The following ARHGAP10 variants were observed in gnomAD, a reference collection of about 807,000 sequenced individuals.
The protein encoded by ARHGAP10 is rho GTPase-activating protein 10.
ARHGAP10 carries 87 observed loss-of-function variants against 108.6 expected under a neutral mutation model. The observed-to-expected ratio is 0.80, with a 90% CI of 0.67 to 0.96. The LOEUF (loss-of-function observed/expected upper bound fraction) is 0.96, where lower values mean the gene tolerates loss of function less well. ARHGAP10 is among the 40% of genes least tolerant of loss of function. ARHGAP10 has a pLI of 0.00. For missense variants in ARHGAP10, 939 were observed against 954.5 expected, an observed-to-expected ratio of 0.98 and a Z score of 0.21; for synonymous variants, 347 against 341.1, an observed-to-expected ratio of 1.02 and a Z score of -0.19.
Position 147,904,935 on chromosome 4 carries a change from G to GAGATGGTATCTCATTGTGGATTTGA in ARHGAP10, c.1035-1702_1035-1678dup, listed in dbSNP as rs1440689082. On this transcript the variant is annotated intron_variant, in intron 10 of 22. Transcript: ENST00000336498. ...TAATGATCGCCATTCTAACTGGTGTGAGATGGTATCTCATTGTGGATTTGA... is the reference window on the plus strand; with the variant it reads ...TAATGATCGCCATTCTAACTGGTGTGAGATGGTATCTCATTGTGGATTTGAAGATGGTATCTCATTGTGGATTTGA... Among the ~76,000 whole-genome samples the GAGATGGTATCTCATTGTGGATTTGA allele has an allele frequency of 2.0e-5, 3 of 152,298 alleles. No homozygotes were observed. The East Asian group carries it at 5.8e-4, about 29-fold the overall frequency.
chr4:147,780,019 A>AT (rs1430921808), intron 1 of ARHGAP10, among the ~76,000 whole-genome samples: 1 of 152,082 alleles, frequency 6.6e-6, no homozygotes, highest in Non-Finnish European at 1.5e-5. Context: ...AGTATCTTTA[A>AT]TTTTTCTGGA....
intron 18 of ARHGAP10, among the ~76,000 whole-genome samples, chr4:148,012,824 A>T (rs1205962299): frequency 6.6e-6 from 1 of 152,136 alleles, no homozygotes; most frequent in Non-Finnish European, 1.5e-5. Flanking sequence ...TTTCTTCCTT[A>T]TGATGACAAA....
chr4:147,977,942 T>C (rs536326074), intron 18 of ARHGAP10, among the ~76,000 whole-genome samples: 10 of 152,208 alleles, frequency 6.6e-5, no homozygotes, highest in Non-Finnish European at 1.3e-4. Context: ...TTAGTTCACT[T>C]AGGATAACAG....
intron 3 of ARHGAP10, among the ~76,000 whole-genome samples, chr4:147,831,696 C>T (rs1232215824): frequency 4.6e-5 from 7 of 152,142 alleles, no homozygotes; most frequent in South Asian, 4.1e-4. Context: ...CTCTTTTTCC[C>T]GTAAGCCTGT....
chr4:147,823,225 C>G (rs1390832340), intron 3 of ARHGAP10, among the ~76,000 whole-genome samples: 1 of 152,192 alleles, frequency 6.6e-6, no homozygotes, highest in Admixed American at 6.5e-5. Context: ...TCACTGCTTT[C>G]TAGCTTTTTG....
At chr4:147,796,524 T>C (rs1477886583) in intron 1 of ARHGAP10, among the ~76,000 whole-genome samples, 3 of 152,088 alleles carry the variant, frequency 2.0e-5, no homozygotes, top group Admixed American at 1.3e-4. Context: ...ATTTCTTTTT[T>C]TTTATTTTTC....
intron 18 of ARHGAP10, among the ~76,000 whole-genome samples, chr4:147,999,319 G>T (rs1316637139): frequency 1.3e-5 from 2 of 152,176 alleles, no homozygotes; most frequent in African/African-American, 4.8e-5. Context: ...GCCATCAATG[G>T]CTACCCTCTT....
chr4:147,834,210 C>G (rs969003035), intron 3 of ARHGAP10, among the ~76,000 whole-genome samples: 1 of 152,164 alleles, frequency 6.6e-6, no homozygotes, highest in Non-Finnish European at 1.5e-5. Flanking sequence ...TGGCTTACAC[C>G]TGTAGTCCCA....
At chr4:147,839,142 A>ATCTGTCTGTCTG (rs66465708) in intron 3 of ARHGAP10, among the ~76,000 whole-genome samples, 35 of 117,852 alleles carry the variant, frequency 3.0e-4, no homozygotes, top group South Asian at 6.0e-4. Flanking sequence ...CTATCTATCT[A>ATCTGTCTGTCTG]TCTGTCTGTC....
At chr4:147,847,115 A>G in intron 3 of ARHGAP10, 36 bp from the exon 4 acceptor site, 1 of 1,563,146 alleles carries the variant, frequency 6.4e-7, no homozygotes, top group South Asian at 1.1e-5. Context: ...TGGAAACCTA[A>G]TGCTGTGCTC....
chr4:147,774,109 A>G lies in ARHGAP10; in HGVS notation c.154+41654A>G, dbSNP rs117699172. Among the ~76,000 whole-genome samples the G allele has an allele frequency of 6.1e-3, 924 of 152,356 alleles. 22 individuals carry two copies. Among genetic ancestry groups the G allele is most frequent in the Admixed American group, 0.029 (447 of 15,304 alleles). ...TTCATAAGATAGTTGTGATAATGAA[A>G]TGAGTTAATAAATGTAAGGCAATTT... is the stretch of plus-strand genomic sequence containing the variant. On this transcript the variant is annotated intron_variant, in intron 1 of 22. Transcript: ENST00000336498.
intron 1 of ARHGAP10, among the ~76,000 whole-genome samples, chr4:147,766,907 AG>A (rs1195178003): frequency 4.0e-5 from 6 of 149,454 alleles, no homozygotes; most frequent in Non-Finnish European, 8.9e-5. Flanking sequence ...TGAGTGCAGT[AG>A]TGTGATCTTG....
intron 20 of ARHGAP10, among the ~76,000 whole-genome samples, chr4:148,055,284 C>T (rs1054101628): frequency 5.9e-5 from 9 of 152,198 alleles, no homozygotes; most frequent in East Asian, 1.9e-4. Flanking sequence ...GCCTCAGGAT[C>T]GCACAGGCTG....
chr4:147,911,848 T>C (rs981027138), intron 12 of ARHGAP10, among the ~76,000 whole-genome samples: 4 of 151,990 alleles, frequency 2.6e-5, no homozygotes, highest in African/African-American at 7.2e-5. Flanking sequence ...TTTTAAAAGC[T>C]TGGAGCATGG....
At chr4:147,938,169 C>T (rs1473455801) in intron 13 of ARHGAP10, among the ~76,000 whole-genome samples, 3 of 151,756 alleles carry the variant, frequency 2.0e-5, no homozygotes, top group East Asian at 1.9e-4. Context: ...GATGAGAACT[C>T]GTGGACACAT....
chr4:147,904,815 C>G (rs1736402502), intron 10 of ARHGAP10, among the ~76,000 whole-genome samples: 1 of 152,168 alleles, frequency 6.6e-6, no homozygotes, highest in African/African-American at 2.4e-5. Context: ...ACACTGACTT[C>G]CACAATGGTT....
intron 1 of ARHGAP10, among the ~76,000 whole-genome samples, chr4:147,752,541 C>CT (rs111694555): frequency 0.013 from 1,798 of 143,588 alleles, 34 homozygotes; most frequent in African/African-American, 0.039. Flanking sequence ...ACAGTTTGAT[C>CT]TTTTTTTTTT....
intron 1 of ARHGAP10, among the ~76,000 whole-genome samples, chr4:147,774,209 T>C (rs1387398399): frequency 1.3e-5 from 2 of 152,256 alleles, no homozygotes; most frequent in East Asian, 3.8e-4. Flanking sequence ...GTTAAATTCC[T>C]ATATTTGACC....
At chr4:148,050,144 G>A (rs1729068311) in intron 20 of ARHGAP10, among the ~76,000 whole-genome samples, 1 of 152,298 alleles carries the variant, frequency 6.6e-6, no homozygotes. Context: ...TGGGATTACA[G>A]GCGTGAGCTA....
Sources: gnomAD v4.1 joint callset for allele counts (sites outside exome capture counted in the v4.1 genomes callset) on GRCh38, gnomAD v4.1.1 for gene constraint, MANE v1.5 for transcripts, NCBI Gene and HGNC (gene_info 2026-07-23, HGNC 2026-07-21) for gene names.